CFHR4: variants seen among roughly 807,000 people sequenced by gnomAD.
CFHR4 encodes the protein complement factor H-related protein 4.
CFHR4 carries 64 observed loss-of-function variants against 69.3 expected under a neutral mutation model. The ratio of observed to expected loss-of-function variants is 0.92; its 90% CI spans 0.76 to 1.14. CFHR4 has a LOEUF of 1.14. CFHR4 is among the 50% of genes most tolerant of loss of function. CFHR4 has a pLI of 0.00. For synonymous variants in CFHR4, 244 were observed against 237.0 expected (o/e 1.03, Z -0.27); for missense variants, 636 against 684.9 (o/e 0.93, Z 0.80).
In CFHR4 at chr1:196,918,196, T is replaced by C. The variant is rs1475190188; in HGVS notation, c.1541-14T>C. On this transcript the variant is annotated splice_polypyrimidine_tract_variant and intron_variant, in intron 9 of 9. Coordinates refer to ENST00000608469, the MANE Select transcript of CFHR4 (RefSeq NM_001201550.3). ...AAGATTATGATTGTTAATTGTTTCT[T>C]TTTCTGCTTTCAGATCCATGTATAA... 1.9e-6 allele frequency: 3 copies of C among 1,599,408 alleles called. No homozygotes were observed. Among genetic ancestry groups the C allele is most frequent in the Non-Finnish European group, 2.6e-6 (3 of 1,170,914 alleles).
Position 196,903,670 on chromosome 1 carries a change from C to CAT in CFHR4, c.256+1068_256+1069dup, listed in dbSNP as rs577170168. 8.3e-3 allele frequency among the ~76,000 whole-genome samples: 1,237 copies of CAT among 149,698 alleles called. 43 individuals carry two copies. Among genetic ancestry groups the CAT allele is most frequent in the African/African-American group, 0.029 (1,147 of 40,210 alleles). Reference sequence around the variant, plus strand: ...TCTGTCTCAAGAAAAGAAAAAAACACATATATATATATATGTATATATATA... The same window carrying CAT: ...TCTGTCTCAAGAAAAGAAAAAAACACATATATATATATATATGTATATATATA... On this transcript the variant is annotated intron_variant, in intron 2 of 9. Transcript: ENST00000608469.
At chr1:196,908,810 T>C (rs1389352048) in intron 5 of CFHR4, among the ~76,000 whole-genome samples, 1 of 151,606 alleles carries the variant, frequency 6.6e-6, no homozygotes. Context: ...AATGCTCAAG[T>C]TCCTAAGTAC....
intron 3 of CFHR4, 62 bp from the exon 4 acceptor site, chr1:196,906,799 T>C: frequency 1.3e-6 from 2 of 1,508,686 alleles, no homozygotes; most frequent in African/African-American, 2.8e-5. Context: ...AATGGGACTT[T>C]CTTAGTCGAG....
chr1:196,892,550 T>C (rs958685739), intron 1 of CFHR4, among the ~76,000 whole-genome samples: 5 of 151,270 alleles, frequency 3.3e-5, no homozygotes, highest in Admixed American at 6.6e-5. Flanking sequence ...CTGTCAATAA[T>C]TACCATATTA....
intron 2 of CFHR4, 39 bp from the exon 3 acceptor site, chr1:196,905,069 A>T (rs1265141839): frequency 6.6e-7 from 1 of 1,506,546 alleles, no homozygotes; most frequent in South Asian, 1.2e-5. Flanking sequence ...AGAAGTATTC[A>T]ACAAATATTT....
chr1:196,889,703 A>G (rs933160722), intron 1 of CFHR4, among the ~76,000 whole-genome samples: 25 of 151,558 alleles, frequency 1.6e-4, no homozygotes, highest in African/African-American at 6.1e-4. Flanking sequence ...CATTGGCTCA[A>G]CTGCATCCCT....
intron 7 of CFHR4, among the ~76,000 whole-genome samples, chr1:196,913,780 A>G (rs751253599): frequency 1.3e-5 from 2 of 151,486 alleles, no homozygotes; most frequent in African/African-American, 2.4e-5. Flanking sequence ...TGGAACCTTG[A>G]TACATAATAC....
chr1:196,894,632 C>A (rs1419267060), intron 1 of CFHR4, among the ~76,000 whole-genome samples: 2 of 151,360 alleles, frequency 1.3e-5, no homozygotes, highest in Non-Finnish European at 2.9e-5. Flanking sequence ...CATATTGGCC[C>A]AATGCCTCTG....
chr1:196,908,640 A>G (rs1219572833), intron 5 of CFHR4, among the ~76,000 whole-genome samples: 1 of 151,482 alleles, frequency 6.6e-6, no homozygotes, highest in Non-Finnish European at 1.5e-5. Flanking sequence ...AAAAAATATG[A>G]GCCAAAATAA....
At chr1:196,909,015 A>T (rs1455811817) in intron 5 of CFHR4, among the ~76,000 whole-genome samples, 1 of 151,504 alleles carries the variant, frequency 6.6e-6, no homozygotes, top group Admixed American at 6.6e-5. Context: ...GCTCCAAACC[A>T]TGCAAGTGGC....
chr1:196,902,140 C>G (rs957548235), intron 1 of CFHR4, among the ~76,000 whole-genome samples: 1 of 151,292 alleles, frequency 6.6e-6, no homozygotes, highest in Admixed American at 6.6e-5. Flanking sequence ...AAAATAAGCG[C>G]CTTCATCTCT....
intron 2 of CFHR4, among the ~76,000 whole-genome samples, 198 bp downstream of exon 2, chr1:196,902,813 A>G (rs1657697490): frequency 6.6e-6 from 1 of 151,530 alleles, no homozygotes; most frequent in African/African-American, 2.4e-5. Context: ...CAACTTTATG[A>G]GAATACCGAT....
At chr1:196,909,212 C>G (rs1476809537) in intron 5 of CFHR4, among the ~76,000 whole-genome samples, 2 of 151,300 alleles carry the variant, frequency 1.3e-5, no homozygotes, top group Non-Finnish European at 2.9e-5. Flanking sequence ...TTCTCATAAT[C>G]AAGAACAGGA....
intron 4 of CFHR4, 73 bp from the exon 5 acceptor site, chr1:196,907,243 T>C (rs1571435625): frequency 3.0e-6 from 4 of 1,328,336 alleles, no homozygotes; most frequent in African/African-American, 2.9e-5. Flanking sequence ...TTTAAGAGTA[T>C]ATAAAAAGCT....
chr1:196,908,743 A>C (rs963090904), intron 5 of CFHR4, among the ~76,000 whole-genome samples: 5 of 151,560 alleles, frequency 3.3e-5, no homozygotes, highest in African/African-American at 1.2e-4. Context: ...CAGGCCTTGC[A>C]TATCAGATAA....
chr1:196,917,893 A>G (rs1658743234), intron 9 of CFHR4, among the ~76,000 whole-genome samples: 1 of 151,652 alleles, frequency 6.6e-6, no homozygotes, highest in South Asian at 2.1e-4. Flanking sequence ...ACATGTTAGC[A>G]TAATCCTTTT....
chr1:196,894,260 A>C lies in CFHR4; in HGVS notation c.58+6052A>C, dbSNP rs557394779. Among the ~76,000 whole-genome samples, 46 of 151,724 alleles carry C rather than the reference A, an allele frequency of 3.0e-4. 2 individuals carry two copies. The highest frequency in any genetic ancestry group is 1.1e-3 in the African/African-American group (45 of 41,224). On this transcript the variant is annotated intron_variant, in intron 1 of 9. Coordinates refer to ENST00000608469, the MANE Select transcript of CFHR4 (RefSeq NM_001201550.3). Reference sequence around the variant, plus strand: ...TTTTAAACCAAAGTTACAACAATAAAAGCTTTTAGGTTAATAATTGTTTTT... The same window carrying C: ...TTTTAAACCAAAGTTACAACAATAACAGCTTTTAGGTTAATAATTGTTTTT...
chr1:196,917,244 G>T (rs1442520241), intron 9 of CFHR4, among the ~76,000 whole-genome samples: 1 of 151,812 alleles, frequency 6.6e-6, no homozygotes, highest in African/African-American at 2.4e-5. Flanking sequence ...GAAGAGATAG[G>T]TGAGTGAATG....
intron 1 of CFHR4, among the ~76,000 whole-genome samples, chr1:196,890,391 T>G (rs777454583): frequency 2.0e-5 from 3 of 151,576 alleles, no homozygotes; most frequent in Non-Finnish European, 2.9e-5. Context: ...TAATAATTCT[T>G]TTGGAAGCCA....
Sources: gnomAD v4.1 joint callset for allele counts (sites outside exome capture counted in the v4.1 genomes callset) on GRCh38, gnomAD v4.1.1 for gene constraint, MANE v1.5 for transcripts, NCBI Gene and HGNC (gene_info 2026-07-23, HGNC 2026-07-21) for gene names.